Variants in NUMA1 observed in about 807,000 individuals in gnomAD.
The protein encoded by NUMA1 is SP-H antigen.
NUMA1 carries 62 observed loss-of-function variants against 237.1 expected under a neutral mutation model. The ratio of observed to expected loss-of-function variants is 0.26; its 90% CI spans 0.21 to 0.32. NUMA1 has a LOEUF of 0.32. Among genes scored for constraint, NUMA1 ranks in the 10% least tolerant of loss-of-function variants. The probability of loss-of-function intolerance (pLI) is 1.00; values close to 1 mark genes in which losing one functional copy is unlikely to be tolerated. For missense variants in NUMA1, 2,533 were observed against 2,666.5 expected, an observed-to-expected ratio of 0.95 and a Z score of 1.10; for synonymous variants, 1,028 against 1,066.1, an observed-to-expected ratio of 0.96 and a Z score of 0.70.
intron 4 of NUMA1, 98 bp from the exon 5 acceptor site, chr11:72,024,451 C>G: frequency 9.3e-7 from 1 of 1,079,132 alleles, no homozygotes; most frequent in Middle Eastern, 2.0e-4. Context: ...CAGTCTTGAT[C>G]TCTGCTGGAT....
chr11:72,005,122 C>A, intron 23 of NUMA1, 111 bp downstream of exon 23: 1 of 1,257,144 alleles, frequency 8.0e-7, no homozygotes, highest in South Asian at 1.5e-5. Context: ...TCACCCTCCC[C>A]CTCCTCGGCC....
At chr11:72,008,565 C>G (rs757629660) in intron 20 of NUMA1, 123 bp downstream of exon 20, 1 of 1,133,802 alleles carries the variant, frequency 8.8e-7, no homozygotes, top group Non-Finnish European at 1.3e-6. Context: ...GTATAATACC[C>G]GTTTTTCGTT....
rs1956287157 is a variant in NUMA1 at position 72,013,497 on chromosome 11, ACTT to A, written c.4003_4005del (p.Lys1335del). On this transcript the variant is annotated inframe_deletion, in exon 15 of 27. Transcript: ENST00000393695. The surrounding 1 kb of genome is among the most constrained non-coding windows in gnomAD (Gnocchi z 6.8). ...GAGAGGGCCTGCTCTTTCTGGAAGA[ACTT>A]CTCCTGCCACGCCTTCAATTCTTGG... The A allele has an allele frequency of 6.2e-7, 1 of 1,613,132 alleles. No individual in the cohort carries two copies. Among genetic ancestry groups the A allele is most frequent in the Non-Finnish European group, 8.5e-7 (1 of 1,179,962 alleles).
intron 2 of NUMA1, among the ~76,000 whole-genome samples, chr11:72,063,608 C>CAAAAA (rs71052848): frequency 1.6e-5 from 1 of 61,132 alleles, no homozygotes; most frequent in Non-Finnish European, 3.3e-5. Context: ...TACCAAAACT[C>CAAAAA]AAAAAAAAAA....
At chr11:72,043,431 T>C (rs1941815278) in intron 2 of NUMA1, among the ~76,000 whole-genome samples, 1 of 145,604 alleles carries the variant, frequency 6.9e-6, no homozygotes, top group Non-Finnish European at 1.5e-5. Context: ...GGCGAGATCA[T>C]AGTTCACTGT....
chr11:72,022,234 CTG>C (rs1055614107), intron 7 of NUMA1, 103 bp downstream of exon 7: 13 of 646,340 alleles, frequency 2.0e-5, no homozygotes, highest in African/African-American at 1.9e-4. Context: ...ATTGCTATAA[CTG>C]TATTTTTAAA....
intron 1 of NUMA1, among the ~76,000 whole-genome samples, chr11:72,073,480 C>CT (rs1421819035): frequency 2.0e-5 from 3 of 152,152 alleles, no homozygotes; most frequent in African/African-American, 7.2e-5. Context: ...AGTTAGAGGA[C>CT]TTGCAGAGGA....
At chr11:72,027,694 C>T (rs1013019690) in intron 4 of NUMA1, among the ~76,000 whole-genome samples, 40 of 152,202 alleles carry the variant, frequency 2.6e-4, no homozygotes, top group South Asian at 1.0e-3. Context: ...TGAATATTCA[C>T]TGAGGTTTGA....
At chr11:72,021,813 T>G (rs1407853323) in intron 7 of NUMA1, among the ~76,000 whole-genome samples, 1 of 152,192 alleles carries the variant, frequency 6.6e-6, no homozygotes, top group Non-Finnish European at 1.5e-5. Context: ...AGGGTCTCGC[T>G]ATGTTACCCA....
At chr11:72,012,562 G>GT in intron 15 of NUMA1, 120 bp from the exon 16 acceptor site, 2 of 1,004,120 alleles carry the variant, frequency 2.0e-6, no homozygotes, top group Non-Finnish European at 1.5e-6. Flanking sequence ...TAGATTGACA[G>GT]TAAGTTTAAA....
chr11:72,068,120 A>G (rs1277161665), intron 2 of NUMA1: 2 of 152,218 alleles, frequency 1.3e-5, no homozygotes, highest in African/African-American at 4.8e-5. Flanking sequence ...ATTCATCTTG[A>G]TTGATTTGGG....
At chr11:72,056,748 T>C (rs1330541059) in intron 2 of NUMA1, among the ~76,000 whole-genome samples, 3 of 149,756 alleles carry the variant, frequency 2.0e-5, no homozygotes, top group African/African-American at 7.4e-5. Context: ...TAGCTACATA[T>C]AGGACATCTA....
chr11:72,049,571 A>ATT, intron 2 of NUMA1: 1 of 19,552 alleles, frequency 5.1e-5, no homozygotes, highest in Non-Finnish European at 2.8e-4. Context: ...ATATATATAT[A>ATT]TATATATATA....
At chr11:72,005,928 C>T (rs1003949391) in intron 22 of NUMA1, 107 bp downstream of exon 22, 2 of 934,972 alleles carry the variant, frequency 2.1e-6, no homozygotes, top group Admixed American at 2.3e-5. Context: ...TGGATGGTAG[C>T]AAGGAGGCCA....
chr11:72,037,469 G>A (rs968354755), intron 2 of NUMA1, among the ~76,000 whole-genome samples: 9 of 152,082 alleles, frequency 5.9e-5, no homozygotes, highest in African/African-American at 2.2e-4. Context: ...TCGCACCACT[G>A]CACTCCAGTT....
Position 72,014,021 on chromosome 11 carries a change from T to TCCCGCTCAGCCCGGGAGG in NUMA1, c.3464_3481dup (p.Ala1155_Arg1160dup). ...GCCCTGCAGAGTCTCCAGAGCACTG[T>TCCCGCTCAGCCCGGGAGG]CCCGCTCAGCCCGGGAGGCCCGCTC... On this transcript the variant is annotated inframe_insertion, in exon 15 of 27. Transcript: ENST00000393695. This position sits in a 1 kb window ranked among gnomAD's most constrained non-coding sequence, Gnocchi z 4.6. 1 of 1,611,732 alleles carries TCCCGCTCAGCCCGGGAGG rather than the reference T, an allele frequency of 6.2e-7. No individual in the cohort carries two copies. Among genetic ancestry groups the TCCCGCTCAGCCCGGGAGG allele is most frequent in the South Asian group, 1.1e-5 (1 of 91,082 alleles).
chr11:72,023,026 A>C (rs894057820), intron 6 of NUMA1, 39 bp downstream of exon 6: 1 of 1,513,044 alleles, frequency 6.6e-7, no homozygotes. Context: ...CATCACCCCA[A>C]CCCTGCCCTG....
At chr11:72,035,644 C>A (rs184375898) in intron 3 of NUMA1, among the ~76,000 whole-genome samples, 41 of 152,220 alleles carry the variant, frequency 2.7e-4, no homozygotes, top group African/African-American at 9.4e-4. Flanking sequence ...CTCCTGACCT[C>A]AGGTGATCCA....
chr11:72,015,990 A>G lies in NUMA1; in HGVS notation c.1513T>C (p.Ser505Pro). 1 of 1,613,964 alleles carries G rather than the reference A, an allele frequency of 6.2e-7. No individual in the cohort carries two copies. The highest frequency in any genetic ancestry group is 1.1e-5 in the South Asian group (1 of 91,080). Residue 505 changes from serine to proline, a missense_variant, in exon 15 of 27, where the codon TCT (serine) becomes CCT (proline). By Grantham distance (74) the Ser-to-Pro change is moderately conservative. Coordinates refer to ENST00000393695, the MANE Select transcript of NUMA1 (RefSeq NM_006185.4). This position sits in a 1 kb window ranked among gnomAD's most constrained non-coding sequence, Gnocchi z 4.0. ...GTGGCATTGAGTGTGGTGAGCTCAG[A>G]GGTCAGAGAGGCCACCTGGGCAGTC... ...RLTAQVASLT[S>P]ELTTLNATIQ...
Sources: allele counts gnomAD v4.1 joint callset (sites outside exome capture counted in the v4.1 genomes callset), GRCh38; gene constraint gnomAD v4.1.1; non-coding constraint Gnocchi (gnomAD v3.1); transcripts MANE v1.5; gene names NCBI Gene and HGNC (gene_info 2026-07-23, HGNC 2026-07-21).